Variants in ZNF609 observed in about 807,000 individuals in gnomAD.
ZNF609 encodes the protein zinc finger protein 609.
In ZNF609, 11 loss-of-function variants were observed where a neutral mutation model predicts 109.5. That is an observed-to-expected ratio of 0.10 (90% confidence interval 0.06 to 0.17). ZNF609 has a LOEUF of 0.17. Ranked by LOEUF, ZNF609 falls within the 10% of genes least tolerant of loss-of-function variation. ZNF609 has a pLI of 1.00. For synonymous variants in ZNF609, 646 were observed against 662.0 expected (o/e 0.98, Z 0.37); for missense variants, 1,559 against 1,772.4 (o/e 0.88, Z 2.16).
At chr15:64,641,505 C>T (rs1156598555) in intron 3 of ZNF609, among the ~76,000 whole-genome samples, 2 of 151,880 alleles carry the variant, frequency 1.3e-5, no homozygotes, top group Non-Finnish European at 2.9e-5. Context: ...TGAGCCACCG[C>T]GCCTGGCCTA....
chr15:64,547,134 C>A (rs1376554041), intron 2 of ZNF609, among the ~76,000 whole-genome samples: 1 of 114,854 alleles, frequency 8.7e-6, no homozygotes, highest in African/African-American at 5.5e-5. Context: ...TTTAAAATTT[C>A]ATTTTTCATT....
At chr15:64,568,226 A>G (rs1894808731) in intron 2 of ZNF609, among the ~76,000 whole-genome samples, 1 of 152,148 alleles carries the variant, frequency 6.6e-6, no homozygotes, top group Non-Finnish European at 1.5e-5. Flanking sequence ...ATTATACTAC[A>G]CAGTACTTCC....
chr15:64,539,489 G>C (rs1894212915), intron 2 of ZNF609, among the ~76,000 whole-genome samples: 1 of 149,188 alleles, frequency 6.7e-6, no homozygotes, highest in African/African-American at 2.5e-5. Context: ...TTACAGGCGT[G>C]AGCCACTGCG....
At chr15:64,505,712 TC>T (rs1893626354) in intron 2 of ZNF609, among the ~76,000 whole-genome samples, 1 of 152,206 alleles carries the variant, frequency 6.6e-6, no homozygotes, top group Non-Finnish European at 1.5e-5. Flanking sequence ...AATCTGTACT[TC>T]CAGAAGTCTC....
At position 64,595,206 on chromosome 15, in the gene ZNF609, C is replaced by T. The variant is rs538044310; in HGVS notation, c.748-27621C>T. 2.8e-5 allele frequency among the ~76,000 whole-genome samples: 4 copies of T among 144,622 alleles called. No individual in the cohort carries two copies. The South Asian group carries it at 6.8e-4, about 25-fold the overall frequency. The allele number at this position is 144,622 out of a possible 152,430, so 94.9% of individuals were successfully genotyped here. A position where few individuals can be genotyped will look rare whatever the true frequency, so the allele number is the denominator to read the frequency against. On this transcript the variant is annotated intron_variant, in intron 2 of 9. Coordinates refer to ENST00000326648, the MANE Select transcript of ZNF609 (RefSeq NM_015042.2). Reference sequence around the variant, plus strand: ...GAAACCCCGTCTCTACTAAAAATACCAAAAATTAGCCGGGCGTGGTGGTGG... The same window carrying T: ...GAAACCCCGTCTCTACTAAAAATACTAAAAATTAGCCGGGCGTGGTGGTGG...
chr15:64,672,869 C>A (rs1222071973), intron 4 of ZNF609, among the ~76,000 whole-genome samples: 4 of 149,576 alleles, frequency 2.7e-5, no homozygotes, highest in African/African-American at 4.9e-5. Context: ...GAGCCTGAGG[C>A]AGGAGAACCA....
At chr15:64,490,011 T>C (rs970037845) in intron 1 of ZNF609, among the ~76,000 whole-genome samples, 3 of 152,130 alleles carry the variant, frequency 2.0e-5, no homozygotes, top group Non-Finnish European at 4.4e-5. Flanking sequence ...CAGGCGGGAG[T>C]GCAGTGGCAT....
intron 2 of ZNF609, among the ~76,000 whole-genome samples, chr15:64,563,530 A>G (rs1567015420): frequency 6.6e-6 from 1 of 152,030 alleles, no homozygotes; most frequent in Non-Finnish European, 1.5e-5. Context: ...TAATCCCGGC[A>G]CTTGGGGAGG....
At chr15:64,515,863 G>A (rs1419152055) in intron 2 of ZNF609, among the ~76,000 whole-genome samples, 1 of 151,946 alleles carries the variant, frequency 6.6e-6, no homozygotes, top group Non-Finnish European at 1.5e-5. Flanking sequence ...GCTCGAACCT[G>A]GGAGGCGGGG....
chr15:64,550,839 GA>G (rs35566414), intron 2 of ZNF609, among the ~76,000 whole-genome samples: 25,238 of 75,182 alleles, frequency 0.34, 3,017 homozygotes, highest in African/African-American at 0.52. Context: ...TCTGTCTCGG[GA>G]AAAAAAAAAA....
intron 2 of ZNF609, among the ~76,000 whole-genome samples, chr15:64,606,926 C>T (rs2140954468): frequency 6.6e-6 from 1 of 152,060 alleles, no homozygotes; most frequent in South Asian, 2.1e-4. Context: ...GGCGGATCAC[C>T]CTGAGGTTGG....
At chr15:64,546,137 C>G (rs1485317895) in intron 2 of ZNF609, among the ~76,000 whole-genome samples, 1 of 152,210 alleles carries the variant, frequency 6.6e-6, no homozygotes, top group African/African-American at 2.4e-5. Flanking sequence ...TATGAGAGTT[C>G]TAGTTGCTGC....
intron 3 of ZNF609, among the ~76,000 whole-genome samples, chr15:64,646,455 AC>A (rs755215920): frequency 4.6e-5 from 7 of 151,070 alleles, no homozygotes; most frequent in South Asian, 2.1e-4. Flanking sequence ...ACATGGCAAA[AC>A]CCCATCTCTA....
chr15:64,521,992 T>G (rs1470423094), intron 2 of ZNF609, among the ~76,000 whole-genome samples: 2 of 152,206 alleles, frequency 1.3e-5, no homozygotes, highest in African/African-American at 4.8e-5. Flanking sequence ...GCCCTAGCAC[T>G]TGGCCAACTA....
At chr15:64,492,494 G>A (rs770068604) in intron 1 of ZNF609, among the ~76,000 whole-genome samples, 10 of 152,084 alleles carry the variant, frequency 6.6e-5, no homozygotes, top group Non-Finnish European at 1.0e-4. Context: ...TCATACACTA[G>A]AACCTTATAA....
chr15:64,541,839 C>CAAAAAAA (rs59597800), intron 2 of ZNF609, among the ~76,000 whole-genome samples: 1 of 42,196 alleles, frequency 2.4e-5, no homozygotes, highest in African/African-American at 8.8e-5. Flanking sequence ...GACTCCAACT[C>CAAAAAAA]AAAAAAAAAA....
At chr15:64,527,906 AC>A (rs1893991258) in intron 2 of ZNF609, among the ~76,000 whole-genome samples, 1 of 151,700 alleles carries the variant, frequency 6.6e-6, no homozygotes, top group South Asian at 2.1e-4. Flanking sequence ...CTCTACTCTT[AC>A]CCCCTTTCTT....
Position 64,674,840 on chromosome 15 carries a change from C to T in ZNF609, c.1986C>T (p.Ala662=), listed in dbSNP as rs1350677284. ...AGTCAGCCCGTCCCATTGCCCCTGC[C>T]ATCCCCCCACAGCAAATCTACACCT... The part of the protein sequence containing the change: ...SLKSARPIAP[A]IPPQQIYTFQ... The change falls in exon 5 of 10, where the codon GCC becomes GCT. Residue 662 remains alanine, a synonymous_variant. Coordinates refer to ENST00000326648, the MANE Select transcript of ZNF609 (RefSeq NM_015042.2). 3 of 1,613,674 alleles carry T rather than the reference C, an allele frequency of 1.9e-6. No individual in the cohort carries two copies. Among genetic ancestry groups the T allele is most frequent in the Non-Finnish European group, 2.5e-6 (3 of 1,179,892 alleles).
intron 2 of ZNF609, among the ~76,000 whole-genome samples, chr15:64,513,008 A>T (rs1352311196): frequency 6.6e-6 from 1 of 152,070 alleles, no homozygotes; most frequent in Non-Finnish European, 1.5e-5. Context: ...ACGTAACCTT[A>T]AATTCTCATA....
Sources: gnomAD v4.1 joint callset for allele counts (sites outside exome capture counted in the v4.1 genomes callset) on GRCh38, gnomAD v4.1.1 for gene constraint, MANE v1.5 for transcripts, NCBI Gene and HGNC (gene_info 2026-07-23, HGNC 2026-07-21) for gene names.